The following GOLPH3L variants were observed in gnomAD, a reference collection of about 807,000 sequenced individuals.
The protein encoded by GOLPH3L is Golgi phosphoprotein 3-like.
In GOLPH3L, 22 loss-of-function variants were observed where a neutral mutation model predicts 30.3. The observed-to-expected ratio is 0.73, with a 90% CI of 0.52 to 1.04. The LOEUF (loss-of-function observed/expected upper bound fraction) is 1.04, where lower values mean the gene tolerates loss of function less well. Among genes scored for constraint, GOLPH3L ranks in the 50% least tolerant of loss-of-function variants. The probability of loss-of-function intolerance (pLI) is 0.00; values close to 1 mark genes in which losing one functional copy is unlikely to be tolerated. For synonymous variants in GOLPH3L, 120 were observed against 128.2 expected, an observed-to-expected ratio of 0.94 and a Z score of 0.43; for missense variants, 303 against 345.8, an observed-to-expected ratio of 0.88 and a Z score of 0.98.
At chr1:150,655,508 G>T (rs1650218729) in intron 4 of GOLPH3L, among the ~76,000 whole-genome samples, 1 of 152,150 alleles carries the variant, frequency 6.6e-6, no homozygotes, top group African/African-American at 2.4e-5. Context: ...GAAAAAATTT[G>T]CAAGGTTTGA....
At chr1:150,675,073 T>C (rs143940658) in intron 2 of GOLPH3L, among the ~76,000 whole-genome samples, 4 of 152,046 alleles carry the variant, frequency 2.6e-5, no homozygotes, top group African/African-American at 7.2e-5. Context: ...AGCAATAGGG[T>C]CTGGCTATGT....
intron 2 of GOLPH3L, among the ~76,000 whole-genome samples, chr1:150,668,226 TTAAAAG>T (rs1439226022): frequency 6.6e-6 from 1 of 152,210 alleles, no homozygotes; most frequent in East Asian, 1.9e-4. Flanking sequence ...AAATTTATGC[TTAAAAG>T]TAAATGTTAA....
At chr1:150,686,977 A>G (rs980913701) in intron 2 of GOLPH3L, among the ~76,000 whole-genome samples, 50 of 152,182 alleles carry the variant, frequency 3.3e-4, no homozygotes, top group Non-Finnish European at 5.9e-4. Context: ...GCTTATGTTT[A>G]AAGAAAAAAA....
At chr1:150,693,845 A>C (rs1446863602) in intron 2 of GOLPH3L, among the ~76,000 whole-genome samples, 1 of 67,334 alleles carries the variant, frequency 1.5e-5, no homozygotes, top group African/African-American at 6.5e-5. Flanking sequence ...ATATATATAT[A>C]TATTTTTTTT....
At chr1:150,683,146 A>C (rs967755702) in intron 2 of GOLPH3L, among the ~76,000 whole-genome samples, 8 of 152,314 alleles carry the variant, frequency 5.3e-5, no homozygotes, top group African/African-American at 1.7e-4. Context: ...TCATGCCTAT[A>C]GTCCCAGCAC....
chr1:150,654,622 T>C (rs1206340282), intron 4 of GOLPH3L, among the ~76,000 whole-genome samples: 1 of 152,242 alleles, frequency 6.6e-6, no homozygotes, highest in African/African-American at 2.4e-5. Flanking sequence ...GGAAATATTA[T>C]GGCTACATTT....
chr1:150,650,743 G>T (rs1235586404), intron 4 of GOLPH3L, among the ~76,000 whole-genome samples: 1 of 152,154 alleles, frequency 6.6e-6, no homozygotes, highest in Non-Finnish European at 1.5e-5. Flanking sequence ...CTGTCCTGGT[G>T]CCAGAAAAGT....
intron 2 of GOLPH3L, among the ~76,000 whole-genome samples, chr1:150,676,139 A>C (rs1650771813): frequency 6.6e-6 from 1 of 151,896 alleles, no homozygotes. Context: ...ATGCCTGGCT[A>C]ATTTTTGTAT....
intron 4 of GOLPH3L, among the ~76,000 whole-genome samples, chr1:150,660,096 A>G (rs1650335524): frequency 6.6e-6 from 1 of 152,168 alleles, no homozygotes; most frequent in South Asian, 2.1e-4. Context: ...TGGGAAAAGT[A>G]TTTTATATTT....
chr1:150,678,408 C>T (rs587608505), intron 2 of GOLPH3L, among the ~76,000 whole-genome samples: 1 of 150,758 alleles, frequency 6.6e-6, no homozygotes, highest in East Asian at 2.0e-4. Flanking sequence ...TAGATAACGT[C>T]TAAGTGACTC....
intron 2 of GOLPH3L, among the ~76,000 whole-genome samples, chr1:150,683,699 CAAAAAAAAAAA>C (rs397981524): frequency 0.031 from 454 of 14,854 alleles, 3 homozygotes; most frequent in African/African-American, 0.086. Flanking sequence ...GACTCTCTCT[CAAAAAAAAAAA>C]AAAAAAAAAA....
In GOLPH3L at chr1:150,664,193, A is replaced by T. The variant is rs587661859; in HGVS notation, c.184-430T>A. Among the ~76,000 whole-genome samples, 12 of 151,950 alleles carry T rather than the reference A, an allele frequency of 7.9e-5. No individual in the cohort carries two copies. The South Asian group carries it at 2.1e-3, about 26-fold the overall frequency. On this transcript the variant is annotated intron_variant, in intron 2 of 4. Coordinates refer to ENST00000271732, the MANE Select transcript of GOLPH3L (RefSeq NM_018178.6). The stretch of plus-strand genomic sequence containing the variant: ...TTAAAAAAAATTTTTTTGTAGAGAC[A>T]AGGTCTTGCTATGTTGCCTACGCTG...
chr1:150,665,285 G>GT (rs1378607486), intron 2 of GOLPH3L, among the ~76,000 whole-genome samples: 1 of 151,926 alleles, frequency 6.6e-6, no homozygotes, highest in East Asian at 1.9e-4. Context: ...TTTTTTGGTG[G>GT]TGTTTTACTG....
chr1:150,661,255 A>G (rs1277786193), intron 4 of GOLPH3L, among the ~76,000 whole-genome samples: 1 of 152,166 alleles, frequency 6.6e-6, no homozygotes, highest in Non-Finnish European at 1.5e-5. Flanking sequence ...AATAAATGTT[A>G]TGTATATTTT....
intron 3 of GOLPH3L, among the ~76,000 whole-genome samples, chr1:150,662,899 A>T (rs1650401732): frequency 6.6e-6 from 1 of 152,226 alleles, no homozygotes; most frequent in Non-Finnish European, 1.5e-5. Context: ...ATTCAGTAAG[A>T]AAATGGATAC....
At chr1:150,655,327 A>G (rs182425476) in intron 4 of GOLPH3L, among the ~76,000 whole-genome samples, 6 of 152,282 alleles carry the variant, frequency 3.9e-5, no homozygotes, top group East Asian at 1.9e-4. Flanking sequence ...GAAGGGCCCA[A>G]TGGACAACCT....
At chr1:150,649,363 G>T (rs1212966464) in intron 4 of GOLPH3L, among the ~76,000 whole-genome samples, 16 of 152,296 alleles carry the variant, frequency 1.1e-4, no homozygotes, top group Admixed American at 7.2e-4. Context: ...GGGAAGGAAG[G>T]CCTGAAGAAT....
At position 150,646,651 on chromosome 1, in the gene GOLPH3L, T is replaced by G. The variant is rs1649984115; in HGVS notation, c.*1670A>C. On this transcript the variant is annotated 3_prime_UTR_variant, in exon 5 of 5. Coordinates refer to ENST00000271732, the MANE Select transcript of GOLPH3L (RefSeq NM_018178.6). Reference sequence around the variant, plus strand: ...TGTTAACTGAGCTGGGGCATTTTTGTGGGGCTAAGTAGATTTGGCAGAGGA... The same window carrying G: ...TGTTAACTGAGCTGGGGCATTTTTGGGGGGCTAAGTAGATTTGGCAGAGGA... 1 of 152,210 alleles carries G rather than the reference T, an allele frequency of 6.6e-6. No homozygotes were observed. Among genetic ancestry groups the G allele is most frequent in the South Asian group, 2.1e-4 (1 of 4,824 alleles). 9.4% of individuals were successfully genotyped at this position (152,210 alleles called of 1,614,324 possible). A position where few individuals can be genotyped will look rare whatever the true frequency, so the allele number is the denominator to read the frequency against.
chr1:150,667,315 C>T (rs1650530009), intron 2 of GOLPH3L, among the ~76,000 whole-genome samples: 1 of 152,144 alleles, frequency 6.6e-6, no homozygotes, highest in African/African-American at 2.4e-5. Context: ...ATCTGACCAC[C>T]ATACTGCCAG....
Sources: gnomAD v4.1 joint callset for allele counts (sites outside exome capture counted in the v4.1 genomes callset) on GRCh38, gnomAD v4.1.1 for gene constraint, MANE v1.5 for transcripts, NCBI Gene and HGNC (gene_info 2026-07-23, HGNC 2026-07-21) for gene names.